CNTN4: variants seen among roughly 807,000 people sequenced by gnomAD.
The protein encoded by CNTN4 is contactin 4, also known as contactin-4.
CNTN4 carries 77 observed loss-of-function variants against 122.5 expected under a neutral mutation model. That is an observed-to-expected ratio of 0.63 (90% confidence interval 0.52 to 0.76). The LOEUF (loss-of-function observed/expected upper bound fraction) is 0.76. Ranked by LOEUF, CNTN4 falls within the 30% of genes least tolerant of loss-of-function variation. The pLI is 0.00. For missense variants in CNTN4, 1,256 were observed against 1,259.1 expected (o/e 1.00, Z 0.04); for synonymous variants, 512 against 447.0 (o/e 1.15, Z -1.83).
rs1042939043 is a variant in CNTN4, at chr3:3,057,852, A to T, written c.*1632A>T. On this transcript the variant is annotated 3_prime_UTR_variant, in exon 25 of 25. Transcript: ENST00000418658. The stretch of plus-strand genomic sequence containing the variant: ...AAAATAATAAAATGAACGAAAAAAA[A>T]TGACACCCAGGGAGTTCCCAACCCC... 6.6e-6 allele frequency: 1 copy of T among 152,650 alleles called. No individual in the cohort carries two copies. Among genetic ancestry groups the T allele is most frequent in the Admixed American group, 6.5e-5 (1 of 15,276 alleles). The allele number at this position is 152,650 out of a possible 1,614,324, so 9.5% of individuals were successfully genotyped here.
intron 2 of CNTN4, 122 bp from the exon 3 acceptor site, chr3:2,339,056 T>C (rs1402521383): frequency 6.6e-6 from 1 of 152,156 alleles, no homozygotes; most frequent in East Asian, 1.9e-4. Flanking sequence ...ATTTTTACTT[T>C]GTCCTAATCC....
intron 4 of CNTN4, among the ~76,000 whole-genome samples, chr3:2,611,313 G>GAAAAAAAAAAAAAA (rs1370397110): frequency 8.8e-6 from 1 of 113,602 alleles, no homozygotes; most frequent in African/African-American, 3.8e-5. Context: ...AAAAAAAAAA[G>GAAAAAAAAAAAAAA]AAAGAAAGAA....
chr3:2,526,499 A>G (rs1202143872), intron 3 of CNTN4, among the ~76,000 whole-genome samples: 1 of 152,142 alleles, frequency 6.6e-6, no homozygotes, highest in Non-Finnish European at 1.5e-5. Flanking sequence ...ATAGTTGTAT[A>G]AAAGCAAAAA....
intron 3 of CNTN4, among the ~76,000 whole-genome samples, chr3:2,511,878 A>T (rs2076897629): frequency 3.3e-5 from 5 of 152,162 alleles, no homozygotes; most frequent in Admixed American, 3.3e-4. Flanking sequence ...TCATACAAGG[A>T]AATAGGAGCC....
chr3:2,766,116 G>T (rs1422093280), intron 6 of CNTN4, among the ~76,000 whole-genome samples: 1 of 152,120 alleles, frequency 6.6e-6, no homozygotes, highest in Non-Finnish European at 1.5e-5. Flanking sequence ...CTTCCTTTGG[G>T]GGTTTGGTTC....
At chr3:2,642,290 G>T (rs2082929903) in intron 4 of CNTN4, among the ~76,000 whole-genome samples, 1 of 152,170 alleles carries the variant, frequency 6.6e-6, no homozygotes, top group Non-Finnish European at 1.5e-5. Context: ...GCTACACTCT[G>T]CCTGCTTTTA....
chr3:2,798,544 CT>C (rs2092267355), intron 6 of CNTN4, among the ~76,000 whole-genome samples: 1 of 152,148 alleles, frequency 6.6e-6, no homozygotes, highest in African/African-American at 2.4e-5. Flanking sequence ...GGGTCACACT[CT>C]GTCACCCAGG....
chr3:2,900,561 T>C (rs979772871), intron 10 of CNTN4, 124 bp from the exon 11 acceptor site: 1 of 1,088,616 alleles, frequency 9.2e-7, no homozygotes, highest in African/African-American at 1.6e-5. Flanking sequence ...AGTCTTGTTA[T>C]TTGCATAACA....
At chr3:2,262,206 T>A (rs2040860065) in intron 2 of CNTN4, 1 of 152,222 alleles carries the variant, frequency 6.6e-6, no homozygotes, top group African/African-American at 2.4e-5. Context: ...TCTTCCATTT[T>A]CTGCTCTGTA....
intron 7 of CNTN4, among the ~76,000 whole-genome samples, chr3:2,823,128 T>C (rs1401755690): frequency 2.0e-5 from 3 of 152,232 alleles, no homozygotes; most frequent in Non-Finnish European, 4.4e-5. Context: ...ATTCTCTCAC[T>C]GTTTTTCCGG....
At chr3:2,475,138 T>C (rs2075801169) in intron 3 of CNTN4, among the ~76,000 whole-genome samples, 2 of 152,246 alleles carry the variant, frequency 1.3e-5, no homozygotes, top group African/African-American at 4.8e-5. Flanking sequence ...TCATTTTAAA[T>C]TCTTTGTTAA....
rs2087023855 is a variant in CNTN4 at position 2,709,982 on chromosome 3, T to C, written c.56-26233T>C. 6.6e-6 allele frequency among the ~76,000 whole-genome samples: 1 copy of C among 152,198 alleles called. No homozygotes were observed. Among genetic ancestry groups the C allele is most frequent in the African/African-American group, 2.4e-5 (1 of 41,452 alleles). ...TTAATGCTTATTGCTGAAACCCTCCTTTGTTAACATTTTAAATTGTCGCTC... is the reference window on the plus strand; with the variant it reads ...TTAATGCTTATTGCTGAAACCCTCCCTTGTTAACATTTTAAATTGTCGCTC... On this transcript the variant is annotated intron_variant, in intron 4 of 24. Transcript: ENST00000418658. This position sits in a 1 kb window ranked among gnomAD's most constrained non-coding sequence, Gnocchi z 5.0.
intron 2 of CNTN4, among the ~76,000 whole-genome samples, chr3:2,269,828 G>C (rs965127691): frequency 1.3e-5 from 2 of 152,174 alleles, no homozygotes; most frequent in African/African-American, 4.8e-5. Flanking sequence ...TGGAAAGATA[G>C]TTTGTAGTAG....
At chr3:2,730,752 G>A (rs538837938) in intron 4 of CNTN4, among the ~76,000 whole-genome samples, 29 of 152,170 alleles carry the variant, frequency 1.9e-4, no homozygotes, top group African/African-American at 7.0e-4. Flanking sequence ...ACTTCCTTGA[G>A]TTAACCATCA....
At chr3:2,704,048 T>G (rs2086508180) in intron 4 of CNTN4, among the ~76,000 whole-genome samples, 1 of 151,876 alleles carries the variant, frequency 6.6e-6, no homozygotes, top group Non-Finnish European at 1.5e-5. Flanking sequence ...ATCCCAGAAC[T>G]TTGGGAGGCT....
At chr3:3,006,329 G>A (rs1379153148) in intron 14 of CNTN4, among the ~76,000 whole-genome samples, 1 of 152,118 alleles carries the variant, frequency 6.6e-6, no homozygotes, top group Non-Finnish European at 1.5e-5. Context: ...CCCATATTAG[G>A]TGCTCTGTAA....
At chr3:2,194,668 A>G (rs942839506) in intron 2 of CNTN4, among the ~76,000 whole-genome samples, 3 of 152,172 alleles carry the variant, frequency 2.0e-5, no homozygotes, top group Non-Finnish European at 2.9e-5. Context: ...CCCCAACCCA[A>G]TATGATTGGC....
intron 4 of CNTN4, among the ~76,000 whole-genome samples, chr3:2,594,155 T>C (rs1020736338): frequency 5.9e-5 from 9 of 152,316 alleles, no homozygotes; most frequent in African/African-American, 1.9e-4. Context: ...ACATAGTTGT[T>C]GGCTCTTTGT....
At chr3:2,584,178 T>C (rs2080072957) in intron 4 of CNTN4, among the ~76,000 whole-genome samples, 1 of 152,150 alleles carries the variant, frequency 6.6e-6, no homozygotes, top group African/African-American at 2.4e-5. Flanking sequence ...CCTCCTCTCT[T>C]TATCGCTGAG....
Sources: allele counts gnomAD v4.1 joint callset (sites outside exome capture counted in the v4.1 genomes callset), GRCh38; gene constraint gnomAD v4.1.1; non-coding constraint Gnocchi (gnomAD v3.1); transcripts MANE v1.5; gene names NCBI Gene and HGNC (gene_info 2026-07-23, HGNC 2026-07-21).